GPR107: variants seen among roughly 807,000 people sequenced by gnomAD.
The protein encoded by GPR107 is G protein-coupled receptor 107, also known as protein GPR107.
GPR107 carries 31 observed loss-of-function variants against 75.5 expected under a neutral mutation model. The ratio of observed to expected loss-of-function variants is 0.41; its 90% CI spans 0.31 to 0.55. The LOEUF (loss-of-function observed/expected upper bound fraction) is 0.55. Ranked by LOEUF, GPR107 falls within the 20% of genes least tolerant of loss-of-function variation. GPR107 has a pLI of 0.26. For missense variants in GPR107, 572 were observed against 665.7 expected, an observed-to-expected ratio of 0.86 and a Z score of 1.55; for synonymous variants, 267 against 251.3, an observed-to-expected ratio of 1.06 and a Z score of -0.59.
intron 1 of GPR107, among the ~76,000 whole-genome samples, chr9:130,056,924 C>CAAAAAAAAAAAAAAAAAAAAAAAAA (rs11442007): frequency 2.3e-5 from 1 of 42,892 alleles, no homozygotes; most frequent in African/African-American, 1.2e-4. Context: ...GACTCCTTCT[C>CAAAAAAAAAAAAAAAAAAAAAAAAA]AAAAAAAAAA....
chr9:130,107,527 A>G lies in GPR107; in HGVS notation c.1294A>G (p.Thr432Ala), dbSNP rs1831188814. Reference sequence around the variant, plus strand: ...CAGACATTTACAAGAAGCATCAGCAACAGATGGAAAAGGCAAGTTCTCTCG... The same window carrying G: ...CAGACATTTACAAGAAGCATCAGCAGCAGATGGAAAAGGCAAGTTCTCTCG... Reference protein sequence around the residue: ...SIRHLQEASATDGKAAINLAK... With the variant: ...SIRHLQEASAADGKAAINLAK... Residue 432 changes from threonine to alanine, a missense_variant, in exon 14 of 18, where the codon ACA (threonine) becomes GCA (alanine). By Grantham distance (58) the Thr-to-Ala change is moderately conservative. Transcript: ENST00000347136. The G allele has an allele frequency of 1.9e-6, 3 of 1,599,994 alleles. No individual in the cohort carries two copies. Among genetic ancestry groups the G allele is most frequent in the Non-Finnish European group, 2.6e-6 (3 of 1,167,166 alleles).
chr9:130,077,981 C>T (rs1358654215), intron 4 of GPR107, among the ~76,000 whole-genome samples: 2 of 152,006 alleles, frequency 1.3e-5, no homozygotes, highest in African/African-American at 4.8e-5. Context: ...CTGGCTAAAA[C>T]AGTGAAACCC....
In GPR107 at chr9:130,138,542, T is replaced by TCCCTCCTCCTC. The variant is rs1554900330; in HGVS notation, c.*3424_*3434dup. The TCCCTCCTCCTC allele has an allele frequency of 6.9e-6, 1 of 143,924 alleles. No individual in the cohort carries two copies. The highest frequency in any genetic ancestry group is 2.6e-5 in the African/African-American group (1 of 38,948). 8.9% of individuals were successfully genotyped at this position (143,924 alleles called of 1,614,324 possible). ...TCCTCCACCTCTTTCTCCTCCTCCT[T>TCCCTCCTCCTC]CCCTCCTCCTCCCTCCTCTTCCCTT... On this transcript the variant is annotated 3_prime_UTR_variant, in exon 18 of 18. Transcript: ENST00000347136.
Position 130,086,442 on chromosome 9 carries a change from C to A in GPR107, c.587C>A (p.Ser196Tyr). The change falls in exon 7 of 18, where the codon TCT becomes TAT. Residue 196 changes from serine to tyrosine, a missense_variant. Coordinates refer to ENST00000347136, the MANE Select transcript of GPR107 (RefSeq NM_020960.5). ...DSKAMGEKSF[S>Y]VHNNGGAVSF... ...TAGGCCATGGGAGAGAAATCCTTTT[C>A]TGTTCATAATAATGGTGGGGCAGTG... 1 of 1,550,934 alleles carries A rather than the reference C, an allele frequency of 6.4e-7. No homozygotes were observed. Among genetic ancestry groups the A allele is most frequent in the Non-Finnish European group, 8.9e-7 (1 of 1,122,648 alleles).
At chr9:130,065,202 G>C (rs1433621198) in intron 1 of GPR107, among the ~76,000 whole-genome samples, 1 of 152,162 alleles carries the variant, frequency 6.6e-6, no homozygotes, top group East Asian at 1.9e-4. Context: ...TATAATCCCA[G>C]CACTTTGGGA....
At chr9:130,114,495 A>C (rs1448921798) in intron 14 of GPR107, 6 of 357,816 alleles carry the variant, frequency 1.7e-5, no homozygotes, top group Admixed American at 3.4e-5. Flanking sequence ...TGATCGTCTC[A>C]TCTTAGTCTC....
intron 12 of GPR107, among the ~76,000 whole-genome samples, chr9:130,102,600 T>C (rs1040392698): frequency 6.6e-6 from 1 of 152,160 alleles, no homozygotes; most frequent in Non-Finnish European, 1.5e-5. Flanking sequence ...TAAAACTGCT[T>C]CCTTTTGGCC....
chr9:130,122,268 T>G (rs1337054557), intron 14 of GPR107, among the ~76,000 whole-genome samples: 2 of 152,174 alleles, frequency 1.3e-5, no homozygotes, highest in African/African-American at 4.8e-5. Flanking sequence ...AGTGTTCATG[T>G]TGAAGAGGTG....
intron 5 of GPR107, among the ~76,000 whole-genome samples, chr9:130,081,682 A>C (rs540372767): frequency 2.4e-4 from 36 of 150,100 alleles, no homozygotes; most frequent in South Asian, 1.7e-3. Flanking sequence ...AAAAAAAAAA[A>C]AACAAAAAAC....
Position 130,114,554 on chromosome 9 carries a change from T to A in GPR107, c.1306+7015T>A, listed in dbSNP as rs1259857022. The A allele has an allele frequency of 2.1e-5, 9 of 438,834 alleles. No individual in the cohort carries two copies. In the East Asian group the frequency reaches 5.0e-4, roughly 24 times the overall value. The allele number at this position is 438,834 out of a possible 1,614,324, so 27.2% of individuals were successfully genotyped here. A position where few individuals can be genotyped will look rare whatever the true frequency, so the allele number is the denominator to read the frequency against. ...TGCACTACCATGCCTCACTAATTTT[T>A]AAAATTTTTTTTGTGGAGATAGAGT... On this transcript the variant is annotated intron_variant, in intron 14 of 17. Coordinates refer to ENST00000347136, the MANE Select transcript of GPR107 (RefSeq NM_020960.5).
At chr9:130,108,796 G>C (rs1450685533) in intron 14 of GPR107, 1 of 455,290 alleles carries the variant, frequency 2.2e-6, no homozygotes, top group South Asian at 1.5e-5. Flanking sequence ...TTTCCCTCTG[G>C]AGTGTCCTCT....
chr9:130,136,614 G>A lies in GPR107; in HGVS notation c.*1493G>A, dbSNP rs1238904964. ...TCAGGCAGAAACCACAGGATGTGGG[G>A]TCACACTCACTGTCCCAAGTTTGGG... is the stretch of plus-strand genomic sequence containing the variant. On this transcript the variant is annotated 3_prime_UTR_variant, in exon 18 of 18. Transcript: ENST00000347136. 6.6e-6 allele frequency: 1 copy of A among 152,232 alleles called. No individual in the cohort carries two copies. The highest frequency in any genetic ancestry group is 1.5e-5 in the Non-Finnish European group (1 of 68,058). 9.4% of individuals were successfully genotyped at this position (152,232 alleles called of 1,614,324 possible).
At chr9:130,097,159 T>TC (rs1330137180) in intron 9 of GPR107, among the ~76,000 whole-genome samples, 1 of 145,666 alleles carries the variant, frequency 6.9e-6, no homozygotes. Flanking sequence ...TTTTTTCTTT[T>TC]TTTTTTTTTT....
At position 130,137,672 on chromosome 9, in the gene GPR107, T is replaced by C. The variant is rs1414611022; in HGVS notation, c.*2551T>C. 2 of 152,256 alleles carry C rather than the reference T, an allele frequency of 1.3e-5. No homozygotes were observed. Among genetic ancestry groups the C allele is most frequent in the Non-Finnish European group, 2.9e-5 (2 of 68,038 alleles). The allele number at this position is 152,256 out of a possible 1,614,324, so 9.4% of individuals were successfully genotyped here. ...CTCTTTCTCCTTCACGTCATAGCCG[T>C]GACCCACCGTTCATCTCTGCTCTTG... On this transcript the variant is annotated 3_prime_UTR_variant, in exon 18 of 18. Coordinates refer to ENST00000347136, the MANE Select transcript of GPR107 (RefSeq NM_020960.5).
At chr9:130,090,756 A>C in intron 7 of GPR107, 120 bp from the exon 8 acceptor site, 1 of 520,884 alleles carries the variant, frequency 1.9e-6, no homozygotes. Context: ...AAGGTTTAGA[A>C]ATATAGCTGA....
At chr9:130,072,533 T>C (rs1830234927) in intron 1 of GPR107, among the ~76,000 whole-genome samples, 1 of 152,018 alleles carries the variant, frequency 6.6e-6, no homozygotes, top group Admixed American at 6.6e-5. Flanking sequence ...TCTCGAACTC[T>C]TGACCTCAGG....
chr9:130,065,023 G>A (rs946233389), intron 1 of GPR107, among the ~76,000 whole-genome samples: 1 of 152,164 alleles, frequency 6.6e-6, no homozygotes, highest in Non-Finnish European at 1.5e-5. Context: ...CCAGTGTGTG[G>A]CTATTTGTTA....
Position 130,107,538 on chromosome 9 carries a change from A to G in GPR107, c.1305A>G (p.Lys435=), listed in dbSNP as rs1176626104. 4.4e-6 allele frequency: 7 copies of G among 1,588,370 alleles called. No homozygotes were observed. Among genetic ancestry groups the G allele is most frequent in the Non-Finnish European group, 6.1e-6 (7 of 1,156,502 alleles). Residue 435 remains lysine (K), a splice_region_variant and synonymous_variant, in exon 14 of 18, where the codon AAA becomes AAG. Coordinates refer to ENST00000347136, the MANE Select transcript of GPR107 (RefSeq NM_020960.5). ...AAGAAGCATCAGCAACAGATGGAAA[A>G]GGCAAGTTCTCTCGTGCTCATTTTG... is the stretch of plus-strand genomic sequence containing the variant. The part of the protein sequence containing the change: ...HLQEASATDG[K]AAINLAKLKL...
chr9:130,111,214 C>G (rs2132626275), intron 14 of GPR107, among the ~76,000 whole-genome samples: 1 of 151,970 alleles, frequency 6.6e-6, no homozygotes, highest in East Asian at 2.0e-4. Context: ...GCCTGTAATG[C>G]TAGCGCTTTG....
Sources: allele counts gnomAD v4.1 joint callset (sites outside exome capture counted in the v4.1 genomes callset), GRCh38; gene constraint gnomAD v4.1.1; transcripts MANE v1.5; gene names NCBI Gene and HGNC (gene_info 2026-07-23, HGNC 2026-07-21).